Variants in ZDHHC21 observed in about 807,000 individuals in gnomAD.
ZDHHC21 encodes zDHHC palmitoyltransferase 21.
A neutral mutation model predicts 34.6 loss-of-function variants in ZDHHC21; 15 were observed. The observed-to-expected ratio is 0.43, with a 90% CI of 0.29 to 0.67. The LOEUF (loss-of-function observed/expected upper bound fraction) is 0.67, where lower values mean the gene tolerates loss of function less well. Among genes scored for constraint, ZDHHC21 ranks in the 30% least tolerant of loss-of-function variants. The pLI is 0.14. For missense variants in ZDHHC21, 344 were observed against 327.7 expected (o/e 1.05, Z -0.38); for synonymous variants, 142 against 101.8 (o/e 1.40, Z -2.38).
At position 14,693,217 on chromosome 9, in the gene ZDHHC21, C is replaced by T; in HGVS notation, c.-225+12G>A. 2.5e-6 allele frequency: 1 copy of T among 392,164 alleles called. No homozygotes were observed. Among genetic ancestry groups the T allele is most frequent in the Non-Finnish European group, 5.0e-6 (1 of 200,514 alleles). The allele number at this position is 392,164 out of a possible 1,614,324, so 24.3% of individuals were successfully genotyped here. On this transcript the variant is annotated intron_variant, in intron 1 of 9. Coordinates refer to ENST00000380916, the MANE Select transcript of ZDHHC21 (RefSeq NM_178566.6). ...GGGGGCGGCCGCTTCGCCCCCGCGC[C>T]TGCACACTCACCGTCGCCGCTGGCT... is the stretch of plus-strand genomic sequence containing the variant.
chr9:14,601,761 G>C, the ZDHHC21 span, among the ~76,000 whole-genome samples: 1 of 152,124 alleles, frequency 6.6e-6, no homozygotes, highest in Non-Finnish European at 1.5e-5. Flanking sequence ...GTGCATCAAT[G>C]ATAGACTGGA....
chr9:14,648,870 T>C (rs937662861), intron 7 of ZDHHC21, among the ~76,000 whole-genome samples: 1 of 152,126 alleles, frequency 6.6e-6, no homozygotes, highest in Non-Finnish European at 1.5e-5. Context: ...TTTGAAGCAA[T>C]TTTTATTTAT....
At position 14,614,049 on chromosome 9, in the gene ZDHHC21, T is replaced by TA. The variant is rs770664164; in HGVS notation, c.*4916dup. On this transcript the variant is annotated 3_prime_UTR_variant, in exon 10 of 10. Transcript: ENST00000380916. ...TTATATGCACTAACAACTCTTCCCA[T>TA]AAAAATGGTATAAATAAGAGATAAG... is the stretch of plus-strand genomic sequence containing the variant. 1.6e-4 allele frequency: 25 copies of TA among 151,728 alleles called. No individual in the cohort carries two copies. Among genetic ancestry groups the TA allele is most frequent in the Non-Finnish European group, 3.0e-4 (20 of 67,764 alleles). The allele number at this position is 151,728 out of a possible 1,614,324, so 9.4% of individuals were successfully genotyped here.
At chr9:14,619,967 G>C (rs1184855105) in intron 8 of ZDHHC21, among the ~76,000 whole-genome samples, 3 of 151,644 alleles carry the variant, frequency 2.0e-5, no homozygotes, top group African/African-American at 7.3e-5. Context: ...TATTACACTT[G>C]CTTTCTTGAC....
intron 7 of ZDHHC21, among the ~76,000 whole-genome samples, chr9:14,655,095 C>A (rs1050542414): frequency 5.3e-5 from 8 of 151,846 alleles, no homozygotes; most frequent in African/African-American, 1.7e-4. Flanking sequence ...ATACAAAGAC[C>A]AAAAGAAATC....
intron 1 of ZDHHC21, among the ~76,000 whole-genome samples, chr9:14,692,666 T>A (rs1298190982): frequency 6.6e-6 from 1 of 152,124 alleles, no homozygotes; most frequent in African/African-American, 2.4e-5. Flanking sequence ...TGCAAACTGC[T>A]GCCATCCATA....
At chr9:14,693,112 C>T in intron 1 of ZDHHC21, 117 bp downstream of exon 1, 1 of 201,148 alleles carries the variant, frequency 5.0e-6, no homozygotes, top group Non-Finnish European at 9.9e-6. Flanking sequence ...GGCGTCCCGG[C>T]GCGGAGGAGC....
chr9:14,632,385 T>C (rs888143333), intron 8 of ZDHHC21, among the ~76,000 whole-genome samples: 3 of 152,034 alleles, frequency 2.0e-5, no homozygotes, highest in Admixed American at 2.0e-4. Flanking sequence ...CTGGGACAAC[T>C]AGGTATCTAC....
chr9:14,616,487 G>T lies in ZDHHC21; in HGVS notation c.*2479C>A, dbSNP rs1442966362. 6.6e-6 allele frequency: 1 copy of T among 151,592 alleles called. No homozygotes were observed. The highest frequency in any genetic ancestry group is 2.4e-5 in the African/African-American group (1 of 41,306). The allele number at this position is 151,592 out of a possible 1,614,324, so 9.4% of individuals were successfully genotyped here. On this transcript the variant is annotated 3_prime_UTR_variant, in exon 10 of 10. Transcript: ENST00000380916. ...ACACTCCTCCTAAGTTTGTACTTTT[G>T]ATATGTTCAGAATGTGGCTATACTA... is the stretch of plus-strand genomic sequence containing the variant.
chr9:14,648,889 G>A (rs1830724725), intron 7 of ZDHHC21, among the ~76,000 whole-genome samples: 1 of 151,956 alleles, frequency 6.6e-6, no homozygotes, highest in Admixed American at 6.6e-5. Context: ...ATAAACCACA[G>A]CTTATACGTA....
At chr9:14,596,126 A>G in the ZDHHC21 span, among the ~76,000 whole-genome samples, 1 of 152,264 alleles carries the variant, frequency 6.6e-6, no homozygotes, top group Non-Finnish European at 1.5e-5. Context: ...GTGAATGTTC[A>G]TGGCAGTTTC....
At chr9:14,653,091 T>C (rs1420399233) in intron 7 of ZDHHC21, among the ~76,000 whole-genome samples, 1 of 152,000 alleles carries the variant, frequency 6.6e-6, no homozygotes, top group African/African-American at 2.4e-5. Flanking sequence ...TAATCATTAA[T>C]GCAATATCCA....
intron 8 of ZDHHC21, among the ~76,000 whole-genome samples, chr9:14,619,891 A>AAAC (rs1824987614): frequency 6.6e-6 from 1 of 151,542 alleles, no homozygotes; most frequent in African/African-American, 2.4e-5. Flanking sequence ...TGCAAAAAAA[A>AAAC]ACCTATTCAA....
intron 1 of ZDHHC21, among the ~76,000 whole-genome samples, chr9:14,692,323 A>G (rs1839275343): frequency 6.6e-6 from 1 of 152,240 alleles, no homozygotes; most frequent in Non-Finnish European, 1.5e-5. Flanking sequence ...AAAAGTGCAT[A>G]TATTAGCATA....
chr9:14,681,848 G>A (rs566227814), intron 2 of ZDHHC21, among the ~76,000 whole-genome samples: 15 of 151,982 alleles, frequency 9.9e-5, no homozygotes, highest in Non-Finnish European at 4.4e-5. Flanking sequence ...TCTCTTGGCA[G>A]AAACTCTACA....
At position 14,615,341 on chromosome 9, in the gene ZDHHC21, A is replaced by G. The variant is rs186683924; in HGVS notation, c.*3625T>C. The G allele has an allele frequency of 2.0e-5, 3 of 151,706 alleles. No individual in the cohort carries two copies. The highest frequency in any genetic ancestry group is 4.4e-5 in the Non-Finnish European group (3 of 67,690). 9.4% of individuals were successfully genotyped at this position (151,706 alleles called of 1,614,324 possible). On this transcript the variant is annotated 3_prime_UTR_variant, in exon 10 of 10. Coordinates refer to ENST00000380916, the MANE Select transcript of ZDHHC21 (RefSeq NM_178566.6). ...TACTTAGAGAAAAATGCCTCTATGC[A>G]TTGGCAAAAACGCACTGATGTTAAT...
intron 3 of ZDHHC21, among the ~76,000 whole-genome samples, chr9:14,676,320 C>A (rs111999627): frequency 5.3e-5 from 7 of 132,206 alleles, no homozygotes; most frequent in African/African-American, 1.3e-4. Flanking sequence ...CAGTCTACTT[C>A]ATTCTAAGAA....
chr9:14,609,538 A>C (rs572626455), downstream of ZDHHC21, among the ~76,000 whole-genome samples: 12 of 152,136 alleles, frequency 7.9e-5, no homozygotes, highest in Non-Finnish European at 1.5e-4. Context: ...TGAAAAATGT[A>C]ATCTGTCACC....
the ZDHHC21 span, among the ~76,000 whole-genome samples, chr9:14,601,083 G>A: frequency 2.0e-5 from 3 of 152,176 alleles, no homozygotes; most frequent in African/African-American, 7.2e-5. Context: ...TCAGGACATA[G>A]GCATGGACAA....
Sources: gnomAD v4.1 joint callset for allele counts (sites outside exome capture counted in the v4.1 genomes callset) on GRCh38, gnomAD v4.1.1 for gene constraint, MANE v1.5 for transcripts, NCBI Gene and HGNC (gene_info 2026-07-23, HGNC 2026-07-21) for gene names.